LHFPL3: variants seen among roughly 807,000 people sequenced by gnomAD.
LHFPL3 encodes the protein LHFPL tetraspan subfamily member 3, also known as LHFPL tetraspan subfamily member 3 protein.
In LHFPL3, 5 loss-of-function variants were observed where a neutral mutation model predicts 19.3. That is an observed-to-expected ratio of 0.26 (90% CI 0.14 to 0.54). The LOEUF (loss-of-function observed/expected upper bound fraction) is 0.54, where lower values mean the gene tolerates loss of function less well. Among genes scored for constraint, LHFPL3 ranks in the 20% least tolerant of loss-of-function variants. The probability of loss-of-function intolerance (pLI) is 0.94; values close to 1 mark genes in which losing one functional copy is unlikely to be tolerated. For missense variants in LHFPL3, 249 were observed against 307.4 expected (o/e 0.81, Z 1.42); for synonymous variants, 133 against 126.2 (o/e 1.05, Z -0.36).
chr7:104,598,004 TG>T (rs149982515), intron 1 of LHFPL3, among the ~76,000 whole-genome samples: 6,568 of 152,216 alleles, frequency 0.043, 163 homozygotes, highest in African/African-American at 0.062. Flanking sequence ...TAAGTTTGGG[TG>T]GAAGAATGGT....
chr7:104,821,976 A>C (rs1584554128), intron 2 of LHFPL3, among the ~76,000 whole-genome samples: 2 of 152,196 alleles, frequency 1.3e-5, no homozygotes, highest in East Asian at 3.8e-4. Context: ...AAATGTCAAG[A>C]GTGAAGGGGC....
At chr7:104,815,292 C>T (rs978868412) in intron 2 of LHFPL3, among the ~76,000 whole-genome samples, 5 of 152,130 alleles carry the variant, frequency 3.3e-5, no homozygotes, top group Admixed American at 2.0e-4. Context: ...CAGCTCCAGA[C>T]GGCCTGCTGC....
At chr7:104,552,596 T>C (rs1794681953) in intron 1 of LHFPL3, among the ~76,000 whole-genome samples, 1 of 152,192 alleles carries the variant, frequency 6.6e-6, no homozygotes, top group African/African-American at 2.4e-5. Flanking sequence ...GCTTTTGAGT[T>C]AAACAATAGG....
At chr7:104,548,475 C>T (rs1794610539) in intron 1 of LHFPL3, among the ~76,000 whole-genome samples, 1 of 152,158 alleles carries the variant, frequency 6.6e-6, no homozygotes, top group African/African-American at 2.4e-5. Flanking sequence ...AGTTCCACGT[C>T]TTGCAAGGAA....
At chr7:104,650,080 C>G (rs922072746) in intron 1 of LHFPL3, among the ~76,000 whole-genome samples, 3 of 152,162 alleles carry the variant, frequency 2.0e-5, no homozygotes, top group African/African-American at 7.2e-5. Flanking sequence ...AGAAGTGAGG[C>G]CCAATGGAAG....
chr7:104,567,668 ATGATGAC>A (rs1790149601), intron 1 of LHFPL3, among the ~76,000 whole-genome samples: 1 of 152,190 alleles, frequency 6.6e-6, no homozygotes, highest in Non-Finnish European at 1.5e-5. Flanking sequence ...AGTGAAGAAA[ATGATGAC>A]TAGGGCTGGT....
chr7:104,776,579 A>G (rs1369423344), intron 2 of LHFPL3, among the ~76,000 whole-genome samples: 1 of 152,220 alleles, frequency 6.6e-6, no homozygotes, highest in Non-Finnish European at 1.5e-5. Context: ...GGTGAGGCCC[A>G]AGAATGTGCT....
At chr7:104,571,204 T>C (rs1200927768) in intron 1 of LHFPL3, among the ~76,000 whole-genome samples, 1 of 152,246 alleles carries the variant, frequency 6.6e-6, no homozygotes, top group Non-Finnish European at 1.5e-5. Context: ...CTTCTCATTT[T>C]TACATGATGC....
At chr7:104,557,743 A>G (rs1160570041) in intron 1 of LHFPL3, among the ~76,000 whole-genome samples, 1 of 151,542 alleles carries the variant, frequency 6.6e-6, no homozygotes, top group Admixed American at 6.6e-5. Flanking sequence ...TTAGTTACAT[A>G]TGTATACATG....
intron 1 of LHFPL3, among the ~76,000 whole-genome samples, chr7:104,359,581 G>C (rs778623319): frequency 6.6e-6 from 1 of 152,202 alleles, no homozygotes; most frequent in Non-Finnish European, 1.5e-5. Flanking sequence ...GACTATTCAT[G>C]TTCTTGAGTC....
chr7:104,600,181 T>A (rs1447226231), intron 1 of LHFPL3, among the ~76,000 whole-genome samples: 2 of 152,248 alleles, frequency 1.3e-5, no homozygotes, highest in Non-Finnish European at 2.9e-5. Flanking sequence ...GACAGGAAGA[T>A]ATGTGAACTC....
intron 1 of LHFPL3, among the ~76,000 whole-genome samples, chr7:104,631,708 C>G (rs543327205): frequency 6.6e-6 from 1 of 152,262 alleles, no homozygotes; most frequent in South Asian, 2.1e-4. Context: ...TAGGCACTTT[C>G]TTTTAACAAA....
intron 1 of LHFPL3, among the ~76,000 whole-genome samples, chr7:104,644,826 A>G (rs1339350251): frequency 2.0e-5 from 3 of 152,090 alleles, no homozygotes; most frequent in Non-Finnish European, 1.5e-5. Flanking sequence ...TATCACCTTG[A>G]GGAGCTTTTA....
At chr7:104,730,032 G>C (rs1384100079) in intron 1 of LHFPL3, among the ~76,000 whole-genome samples, 1 of 152,074 alleles carries the variant, frequency 6.6e-6, no homozygotes, top group African/African-American at 2.4e-5. Flanking sequence ...TGCTGAGAAT[G>C]ATGGTTCCCA....
intron 1 of LHFPL3, among the ~76,000 whole-genome samples, chr7:104,443,602 C>A (rs1030956979): frequency 6.6e-6 from 1 of 152,222 alleles, no homozygotes; most frequent in Non-Finnish European, 1.5e-5. Flanking sequence ...TTCTGTGTAA[C>A]CAACAAGGAC....
At chr7:104,870,698 A>G (rs1368505650) in intron 2 of LHFPL3, among the ~76,000 whole-genome samples, 1 of 152,196 alleles carries the variant, frequency 6.6e-6, no homozygotes, top group Non-Finnish European at 1.5e-5. Flanking sequence ...CAGAGAAGAA[A>G]GAAGCCCTGG....
intron 2 of LHFPL3, among the ~76,000 whole-genome samples, chr7:104,819,784 A>G (rs1244671969): frequency 6.6e-6 from 1 of 152,184 alleles, no homozygotes. Flanking sequence ...CACCACATTT[A>G]CAGATGCACC....
At chr7:104,809,423 A>G (rs1199684722) in intron 2 of LHFPL3, among the ~76,000 whole-genome samples, 2 of 152,218 alleles carry the variant, frequency 1.3e-5, no homozygotes, top group Non-Finnish European at 2.9e-5. Flanking sequence ...GTTGCAGTGC[A>G]TTCTAAAGTG....
intron 2 of LHFPL3, among the ~76,000 whole-genome samples, chr7:104,825,547 G>C (rs1157610645): frequency 6.6e-6 from 1 of 151,856 alleles, no homozygotes; most frequent in African/African-American, 2.4e-5. Flanking sequence ...ATGAAAGAAT[G>C]TGCATGTTCC....
Sources: allele counts gnomAD v4.1 joint callset (sites outside exome capture counted in the v4.1 genomes callset), GRCh38; gene constraint gnomAD v4.1.1; transcripts MANE v1.5; gene names NCBI Gene and HGNC (gene_info 2026-07-23, HGNC 2026-07-21).